PAM: variants seen among roughly 807,000 people sequenced by gnomAD.
PAM encodes peptidylglycine alpha-amidating monooxygenase, also known as peptidyl-glycine alpha-amidating monooxygenase.
A neutral mutation model predicts 122.1 loss-of-function variants in PAM; 72 were observed. That is an observed-to-expected ratio of 0.59 (90% confidence interval 0.49 to 0.72). The LOEUF is 0.72. Among genes scored for constraint, PAM ranks in the 30% least tolerant of loss-of-function variants. The pLI, the probability that PAM is intolerant of heterozygous loss-of-function variation, is 0.00. For synonymous variants in PAM, 389 were observed against 404.4 expected, an observed-to-expected ratio of 0.96 and a Z score of 0.46; for missense variants, 1,106 against 1,183.7, an observed-to-expected ratio of 0.93 and a Z score of 0.96.
intron 1 of PAM, among the ~76,000 whole-genome samples, chr5:102,817,700 A>G (rs943386278): frequency 4.4e-5 from 6 of 136,686 alleles, no homozygotes; most frequent in African/African-American, 1.6e-4. Flanking sequence ...TAATGTCAAT[A>G]GAGTGGCCAC....
At chr5:102,870,685 T>C (rs1389903144) in intron 3 of PAM, among the ~76,000 whole-genome samples, 1 of 152,210 alleles carries the variant, frequency 6.6e-6, no homozygotes, top group Non-Finnish European at 1.5e-5. Context: ...CAGTGTTTAA[T>C]CTCTGTTAAT....
chr5:102,865,150 G>A (rs993505771), intron 1 of PAM: 5 of 152,190 alleles, frequency 3.3e-5, no homozygotes, highest in Non-Finnish European at 7.3e-5. Flanking sequence ...TTTTGCTTAT[G>A]AGATGCAGGA....
At chr5:102,896,976 T>G (rs1341725116) in intron 3 of PAM, among the ~76,000 whole-genome samples, 1 of 151,628 alleles carries the variant, frequency 6.6e-6, no homozygotes, top group African/African-American at 2.4e-5. Context: ...CTCCTATGCA[T>G]GCATTAAAAA....
chr5:102,758,068 A>ATTT lies in PAM; in HGVS notation c.-374+2722_-374+2724dup, dbSNP rs1751039527. ...AAAAAAAAAAAAAAAAAGACTTAGA[A>ATTT]TTTTGTTTTTTTTTTTTTTTTTTTT... is the stretch of plus-strand genomic sequence containing the variant. On this transcript the variant is annotated intron_variant, in intron 1 of 25. Coordinates refer to ENST00000438793, the MANE Select transcript of PAM (RefSeq NM_001177306.2). Among the ~76,000 whole-genome samples the ATTT allele has an allele frequency of 4.2e-4, 37 of 87,622 alleles. 1 individual carries two copies. Among genetic ancestry groups the ATTT allele is most frequent in the Middle Eastern group, 6.8e-3 (1 of 148 alleles). The allele number at this position is 87,622 out of a possible 152,430, so 57.5% of individuals were successfully genotyped here. A position where few individuals can be genotyped will look rare whatever the true frequency, so the allele number is the denominator to read the frequency against.
chr5:102,880,018 C>T (rs909682958), intron 3 of PAM, among the ~76,000 whole-genome samples: 1 of 152,170 alleles, frequency 6.6e-6, no homozygotes, highest in Non-Finnish European at 1.5e-5. Context: ...CCGTGGCTCA[C>T]GTCTGTAGTC....
chr5:102,887,116 G>T (rs1374075023), intron 3 of PAM, among the ~76,000 whole-genome samples: 1 of 152,026 alleles, frequency 6.6e-6, no homozygotes, highest in Non-Finnish European at 1.5e-5. Flanking sequence ...GATGTGGTTT[G>T]TCCCCACCAG....
chr5:102,791,217 T>C (rs1170266898), intron 1 of PAM, among the ~76,000 whole-genome samples: 1 of 152,098 alleles, frequency 6.6e-6, no homozygotes, highest in African/African-American at 2.4e-5. Flanking sequence ...ATCTCTACTT[T>C]CTTAAAATAA....
intron 15 of PAM, among the ~76,000 whole-genome samples, chr5:102,981,076 G>A (rs1769640013): frequency 6.6e-6 from 1 of 152,110 alleles, no homozygotes; most frequent in Non-Finnish European, 1.5e-5. Flanking sequence ...ACAAATGAGT[G>A]TTTTTGTAAT....
Position 102,944,133 on chromosome 5 carries a change from G to A in PAM, c.527-2704G>A, listed in dbSNP as rs191169082. Among the ~76,000 whole-genome samples, 5 of 152,042 alleles carry A rather than the reference G, an allele frequency of 3.3e-5. No homozygotes were observed. The East Asian group carries it at 9.7e-4, about 29-fold the overall frequency. On this transcript the variant is annotated intron_variant, in intron 7 of 25. Transcript: ENST00000438793. ...GTCCTCAACATTACAAAAGCTTCTTGTACATGCATATGACATTATAATGGA... is the reference window on the plus strand; with the variant it reads ...GTCCTCAACATTACAAAAGCTTCTTATACATGCATATGACATTATAATGGA...
In PAM at chr5:102,860,218, G is replaced by A. The variant is rs763745038; in HGVS notation, c.-373-5605G>A. Among the ~76,000 whole-genome samples the A allele has an allele frequency of 1.7e-4, 26 of 152,134 alleles. 1 individual carries two copies. The highest frequency in any genetic ancestry group is 1.5e-3 in the Admixed American group (23 of 15,272). On this transcript the variant is annotated intron_variant, in intron 1 of 25. Transcript: ENST00000438793. ...GCCCATATTAGGTAAGGAGGCATCC[G>A]TGTGATGGGGTTGGTGACCTGGCAT...
At chr5:102,841,934 T>C (rs1410312700) in intron 1 of PAM, among the ~76,000 whole-genome samples, 2 of 152,232 alleles carry the variant, frequency 1.3e-5, no homozygotes, top group Middle Eastern at 3.4e-3. Context: ...AATTTATAGG[T>C]AAGTAGCATG....
At chr5:102,888,502 A>G (rs1482058744) in intron 3 of PAM, among the ~76,000 whole-genome samples, 2 of 151,850 alleles carry the variant, frequency 1.3e-5, no homozygotes, top group Non-Finnish European at 2.9e-5. Flanking sequence ...AATTCTCCTT[A>G]TCTCCCAAGG....
chr5:103,014,197 A>C (rs1277922729), intron 21 of PAM, among the ~76,000 whole-genome samples: 1 of 152,222 alleles, frequency 6.6e-6, no homozygotes, highest in Non-Finnish European at 1.5e-5. Flanking sequence ...CAGGATATTA[A>C]CTTTTAATTT....
intron 2 of PAM, 133 bp from the exon 3 acceptor site, chr5:102,867,140 A>G (rs74617201): frequency 3.7e-4 from 211 of 566,988 alleles, no homozygotes; most frequent in African/African-American, 3.6e-3. Context: ...TTGTGTAGTC[A>G]TCACATCTTT....
rs1375280408 is a variant in PAM, at chr5:103,028,883, T to C, written c.2744-4T>C. The C allele has an allele frequency of 6.3e-7, 1 of 1,594,262 alleles. No homozygotes were observed. On this transcript the variant is annotated splice_polypyrimidine_tract_variant and splice_region_variant and intron_variant, in intron 25 of 25. Transcript: ENST00000438793. ...CAATTCTGTTATTGTTTGCTTTTTT[T>C]CAGGAAAGGGAAGTGGAGGCTTAAA...
chr5:102,987,752 G>C (rs1158903573), intron 15 of PAM, among the ~76,000 whole-genome samples: 2 of 152,148 alleles, frequency 1.3e-5, no homozygotes, highest in Non-Finnish European at 1.5e-5. Flanking sequence ...AAGGGTGATA[G>C]ATGATAGATA....
At chr5:102,978,920 G>A (rs1407573933) in intron 15 of PAM, among the ~76,000 whole-genome samples, 1 of 151,720 alleles carries the variant, frequency 6.6e-6, no homozygotes. Context: ...GGAAGAAAGT[G>A]ATGAAAGGTT....
intron 16 of PAM, among the ~76,000 whole-genome samples, chr5:102,992,599 T>G (rs1296028267): frequency 6.6e-6 from 1 of 152,134 alleles, no homozygotes; most frequent in Non-Finnish European, 1.5e-5. Flanking sequence ...ATAAATTGGA[T>G]GAAGTATATC....
At chr5:102,916,907 A>G (rs1347173231) in intron 5 of PAM, among the ~76,000 whole-genome samples, 1 of 151,356 alleles carries the variant, frequency 6.6e-6, no homozygotes, top group African/African-American at 2.4e-5. Flanking sequence ...TAATTTTTGT[A>G]TTTTTAGTAG....
Sources: allele counts gnomAD v4.1 joint callset (sites outside exome capture counted in the v4.1 genomes callset), GRCh38; gene constraint gnomAD v4.1.1; transcripts MANE v1.5; gene names NCBI Gene and HGNC (gene_info 2026-07-23, HGNC 2026-07-21).